The following PTPRG variants were observed in gnomAD, a reference collection of about 807,000 sequenced individuals.
The protein encoded by PTPRG is receptor-type tyrosine-protein phosphatase gamma.
PTPRG carries 102 observed loss-of-function variants against 165.3 expected under a neutral mutation model. The observed-to-expected ratio is 0.62, with a 90% CI of 0.53 to 0.73. PTPRG has a LOEUF of 0.73. PTPRG is among the 30% of genes least tolerant of loss of function. The probability of loss-of-function intolerance (pLI) is 0.00; values close to 1 mark genes in which losing one functional copy is unlikely to be tolerated. For synonymous variants in PTPRG, 675 were observed against 669.5 expected (o/e 1.01, Z -0.13); for missense variants, 1,866 against 1,861.4 (o/e 1.00, Z -0.05).
chr3:62,272,754 C>T (rs1399990677), intron 21 of PTPRG, among the ~76,000 whole-genome samples, 192 bp from the exon 22 acceptor site: 1 of 152,066 alleles, frequency 6.6e-6, no homozygotes, highest in East Asian at 1.9e-4. Context: ...TCGAGAATTG[C>T]TTGAACTGGG....
chr3:62,241,278 G>T (rs1366954524), intron 14 of PTPRG, among the ~76,000 whole-genome samples: 1 of 152,118 alleles, frequency 6.6e-6, no homozygotes, highest in Non-Finnish European at 1.5e-5. Flanking sequence ...TGTGCAGTGG[G>T]TGCTGAATAA....
intron 16 of PTPRG, among the ~76,000 whole-genome samples, chr3:62,260,228 C>T (rs1220902919): frequency 1.3e-5 from 2 of 152,240 alleles, no homozygotes; most frequent in Admixed American, 6.5e-5. Context: ...GTTACCCCTA[C>T]TTGGTGTAAT....
At chr3:62,061,249 T>G (rs1700800156) in intron 4 of PTPRG, among the ~76,000 whole-genome samples, 1 of 152,264 alleles carries the variant, frequency 6.6e-6, no homozygotes, top group African/African-American at 2.4e-5. Context: ...GGCAGACTTC[T>G]GAGTGTGTTC....
At chr3:61,762,353 G>C (rs537033444) in intron 2 of PTPRG, among the ~76,000 whole-genome samples, 1 of 152,262 alleles carries the variant, frequency 6.6e-6, no homozygotes, top group South Asian at 2.1e-4. Context: ...GGCTGGGCAT[G>C]GCGGCTCATG....
chr3:62,250,221 C>A (rs1701380738), intron 15 of PTPRG, among the ~76,000 whole-genome samples: 1 of 152,134 alleles, frequency 6.6e-6, no homozygotes, highest in African/African-American at 2.4e-5. Context: ...GTTAGTTATT[C>A]CCATTTTACA....
At chr3:61,659,582 G>A (rs1702602977) in intron 1 of PTPRG, 1 of 464,204 alleles carries the variant, frequency 2.2e-6, no homozygotes, top group Non-Finnish European at 2.8e-6. Context: ...TGAGTGTCAT[G>A]TTCCTTCTCT....
At chr3:61,935,841 G>C (rs1294099770) in intron 2 of PTPRG, among the ~76,000 whole-genome samples, 2 of 151,660 alleles carry the variant, frequency 1.3e-5, no homozygotes, top group Non-Finnish European at 2.9e-5. Context: ...ATTGTTCTGA[G>C]CACTTCATAT....
chr3:62,197,757 T>C (rs1039049077), intron 10 of PTPRG, among the ~76,000 whole-genome samples: 1 of 152,214 alleles, frequency 6.6e-6, no homozygotes, highest in Non-Finnish European at 1.5e-5. Flanking sequence ...GCATGGACTT[T>C]GAAAAATTAA....
Position 62,003,476 on chromosome 3 carries a change from T to C in PTPRG, c.498T>C (p.Asn166=). 6.2e-7 allele frequency: 1 copy of C among 1,613,904 alleles called. No homozygotes were observed. The highest frequency in any genetic ancestry group is 8.5e-7 in the Non-Finnish European group (1 of 1,179,908). The change falls in exon 4 of 30, where the codon AAT becomes AAC. Residue 166 remains asparagine, a synonymous_variant. Coordinates refer to ENST00000474889, the MANE Select transcript of PTPRG (RefSeq NM_002841.4). ...NGSAGSEHSI[N]GRRFPVEMQI... is the part of the protein sequence containing the mutation. ...CAGCGGGCTCTGAACACAGCATCAA[T>C]GGCAGGAGGTTTCCTGTTGAGGTGA...
intron 2 of PTPRG, among the ~76,000 whole-genome samples, chr3:61,960,694 C>A (rs1051579669): frequency 2.0e-5 from 3 of 152,046 alleles, no homozygotes; most frequent in Non-Finnish European, 4.4e-5. Context: ...AATTTTGTCC[C>A]CCTTGCTTCT....
intron 2 of PTPRG, among the ~76,000 whole-genome samples, chr3:61,785,802 T>C (rs559786328): frequency 6.6e-5 from 10 of 152,066 alleles, no homozygotes; most frequent in African/African-American, 9.7e-5. Flanking sequence ...GTTGAACATA[T>C]AGGTAGGGTC....
intron 1 of PTPRG, among the ~76,000 whole-genome samples, chr3:61,679,728 C>G (rs751176601): frequency 6.6e-6 from 1 of 152,106 alleles, no homozygotes; most frequent in Admixed American, 6.5e-5. Flanking sequence ...TTGCAGTGAG[C>G]TGAGATCATG....
intron 1 of PTPRG, among the ~76,000 whole-genome samples, chr3:61,631,777 C>T (rs1326783779): frequency 6.6e-6 from 1 of 152,122 alleles, no homozygotes; most frequent in Non-Finnish European, 1.5e-5. Flanking sequence ...AGGGAAATTG[C>T]AAGTACATGA....
chr3:61,992,349 A>T (rs977157411), intron 3 of PTPRG, among the ~76,000 whole-genome samples: 2 of 151,964 alleles, frequency 1.3e-5, no homozygotes, highest in African/African-American at 4.8e-5. Flanking sequence ...ACTAATAGAA[A>T]CTTCCTTCAT....
intron 4 of PTPRG, among the ~76,000 whole-genome samples, chr3:62,076,005 G>C (rs571621195): frequency 6.6e-6 from 1 of 152,322 alleles, no homozygotes; most frequent in Admixed American, 6.5e-5. Flanking sequence ...ACCAGGCGCA[G>C]TGGTTCGTGC....
intron 4 of PTPRG, among the ~76,000 whole-genome samples, chr3:62,015,792 C>G (rs2041529902): frequency 1.3e-5 from 2 of 152,074 alleles, no homozygotes; most frequent in South Asian, 4.1e-4. Context: ...AGAAAAACAT[C>G]TGATTCCAAT....
intron 1 of PTPRG, among the ~76,000 whole-genome samples, chr3:61,590,775 C>A (rs1399082724): frequency 6.6e-6 from 1 of 152,000 alleles, no homozygotes; most frequent in Non-Finnish European, 1.5e-5. Context: ...ACCCCTAATA[C>A]ATTTAGCATA....
chr3:62,018,587 G>A (rs1216244965), intron 4 of PTPRG, among the ~76,000 whole-genome samples: 1 of 152,190 alleles, frequency 6.6e-6, no homozygotes, highest in Non-Finnish European at 1.5e-5. Flanking sequence ...AGGTATTACT[G>A]CCTCTTCAAA....
chr3:61,977,154 G>A (rs1575842632), intron 2 of PTPRG, among the ~76,000 whole-genome samples: 1 of 151,936 alleles, frequency 6.6e-6, no homozygotes, highest in African/African-American at 2.4e-5. Context: ...GTATATTTGT[G>A]CCTTAAATGT....
Sources: allele counts gnomAD v4.1 joint callset (sites outside exome capture counted in the v4.1 genomes callset), GRCh38; gene constraint gnomAD v4.1.1; transcripts MANE v1.5; gene names NCBI Gene and HGNC (gene_info 2026-07-23, HGNC 2026-07-21).